The following SETD4 variants were observed in gnomAD, a reference collection of about 807,000 sequenced individuals.
The protein encoded by SETD4 is SET domain containing 4, also known as SET domain-containing protein 4.
A neutral mutation model predicts 58.3 loss-of-function variants in SETD4; 46 were observed. The observed-to-expected ratio is 0.79, with a 90% CI of 0.62 to 1.01. The LOEUF (loss-of-function observed/expected upper bound fraction) is 1.01. Ranked by LOEUF, SETD4 falls within the 50% of genes least tolerant of loss-of-function variation. The probability of loss-of-function intolerance (pLI) is 0.00; values close to 1 mark genes in which losing one functional copy is unlikely to be tolerated. For missense variants in SETD4, 490 were observed against 523.3 expected, an observed-to-expected ratio of 0.94 and a Z score of 0.62; for synonymous variants, 190 against 202.6, an observed-to-expected ratio of 0.94 and a Z score of 0.53.
At chr21:36,051,121 A>C in intron 4 of SETD4, 1 of 1,434,898 alleles carries the variant, frequency 7.0e-7, no homozygotes, top group East Asian at 2.3e-5. Flanking sequence ...AGAGCAGACT[A>C]TACTGCCTCC....
chr21:36,059,046 T>C (rs2065137581), intron 1 of SETD4, 122 bp from the exon 2 acceptor site: 2 of 1,160,082 alleles, frequency 1.7e-6, no homozygotes, highest in East Asian at 5.5e-5. Context: ...CCTTTAAGTA[T>C]ACAAATGTAT....
chr21:36,059,697 A>G, intron 1 of SETD4: 1 of 955,886 alleles, frequency 1.0e-6, no homozygotes, highest in Non-Finnish European at 1.2e-6. Flanking sequence ...CAAAAAATAA[A>G]TTAAAAAAAT....
intron 7 of SETD4, chr21:36,043,290 G>C: frequency 9.5e-6 from 2 of 209,666 alleles, no homozygotes; most frequent in Non-Finnish European, 1.7e-5. Context: ...ATGATGGCTA[G>C]GTTAATAGAT....
At chr21:36,036,301 A>T in intron 10 of SETD4, 50 bp from the exon 11 acceptor site, 1 of 1,407,290 alleles carries the variant, frequency 7.1e-7, no homozygotes, top group Non-Finnish European at 9.3e-7. Flanking sequence ...ATATATATAT[A>T]TTTCACAGAA....
chr21:36,055,410 A>C (rs918916221), intron 3 of SETD4, among the ~76,000 whole-genome samples: 6 of 152,212 alleles, frequency 3.9e-5, no homozygotes, highest in Non-Finnish European at 7.3e-5. Flanking sequence ...CAAAGCCTCA[A>C]AATTTCCACT....
chr21:36,036,422 A>G (rs2063784088), intron 10 of SETD4, 171 bp from the exon 11 acceptor site: 1 of 336,532 alleles, frequency 3.0e-6, no homozygotes, highest in Non-Finnish European at 4.2e-6. Flanking sequence ...TCTATCACCC[A>G]AACAGAAACT....
At chr21:36,057,817 A>G (rs2065062922) in intron 2 of SETD4, among the ~76,000 whole-genome samples, 1 of 152,264 alleles carries the variant, frequency 6.6e-6, no homozygotes, top group Non-Finnish European at 1.5e-5. Context: ...ATTTTTGACA[A>G]AGTGCAAAGG....
intron 5 of SETD4, among the ~76,000 whole-genome samples, chr21:36,047,712 C>T (rs1055935019): frequency 1.6e-4 from 24 of 150,784 alleles, no homozygotes; most frequent in Non-Finnish European, 3.1e-4. Flanking sequence ...ACTTTCTGGC[C>T]GGGCACGGTG....
intron 4 of SETD4, among the ~76,000 whole-genome samples, chr21:36,049,161 T>C (rs113209833): frequency 1.9e-4 from 29 of 151,920 alleles, no homozygotes; most frequent in Non-Finnish European, 4.1e-4. Flanking sequence ...GAAAGAAAAA[T>C]TAGATGTAAA....
intron 4 of SETD4, among the ~76,000 whole-genome samples, chr21:36,051,673 T>C (rs2064695653): frequency 6.6e-6 from 1 of 152,212 alleles, no homozygotes; most frequent in Non-Finnish European, 1.5e-5. Flanking sequence ...GAGGAACAAA[T>C]ACTTTTTTTT....
intron 2 of SETD4, among the ~76,000 whole-genome samples, chr21:36,058,344 A>G (rs1452755539): frequency 6.6e-6 from 1 of 152,036 alleles, no homozygotes; most frequent in Non-Finnish European, 1.5e-5. Flanking sequence ...AACAAATTTA[A>G]AAAAACATTA....
intron 2 of SETD4, 67 bp from the exon 3 acceptor site, chr21:36,057,271 G>C: frequency 8.8e-7 from 1 of 1,142,778 alleles, no homozygotes; most frequent in Non-Finnish European, 1.3e-6. Context: ...ATTTTTAAAA[G>C]AACATGTCTG....
At chr21:36,057,359 G>T in intron 2 of SETD4, 155 bp from the exon 3 acceptor site, 2 of 740,960 alleles carry the variant, frequency 2.7e-6, no homozygotes, top group Non-Finnish European at 4.9e-6. Flanking sequence ...TAAAAACACA[G>T]TATTGGCCAG....
At chr21:36,048,094 A>C (rs1371931723) in intron 5 of SETD4, among the ~76,000 whole-genome samples, 3 of 36,848 alleles carry the variant, frequency 8.1e-5, no homozygotes, top group Admixed American at 3.4e-4. Context: ...GGAGGGAGGG[A>C]GGGAGGGAGG....
At chr21:36,037,079 C>CAG (rs2063813762) in intron 10 of SETD4, among the ~76,000 whole-genome samples, 1 of 152,022 alleles carries the variant, frequency 6.6e-6, no homozygotes, top group Admixed American at 6.5e-5. Flanking sequence ...TCAGCTGGAC[C>CAG]AGAGGATTAA....
At chr21:36,044,732 C>T (rs1269455033) in intron 6 of SETD4, among the ~76,000 whole-genome samples, 6 of 152,220 alleles carry the variant, frequency 3.9e-5, no homozygotes, top group East Asian at 3.9e-4. Context: ...GTAGAGAGCA[C>T]GAAAGCTTAG....
intron 2 of SETD4, 185 bp from the exon 3 acceptor site, chr21:36,057,389 T>TA (rs2065041249): frequency 2.8e-6 from 2 of 721,992 alleles, no homozygotes; most frequent in African/African-American, 3.5e-5. Flanking sequence ...CTCACTTCTG[T>TA]ATTCCCAGCA....
chr21:36,042,925 G>T (rs990685013), intron 7 of SETD4: 1 of 151,972 alleles, frequency 6.6e-6, no homozygotes, highest in African/African-American at 2.4e-5. Context: ...AACATAACAA[G>T]ACACTGTCTC....
At chr21:36,044,120 C>T (rs2064192085) in intron 6 of SETD4, among the ~76,000 whole-genome samples, 164 bp from the exon 7 acceptor site, 1 of 152,148 alleles carries the variant, frequency 6.6e-6, no homozygotes, top group Admixed American at 6.5e-5. Context: ...TCATCCACCT[C>T]GACTTCACCC....
Sources: gnomAD v4.1 joint callset for allele counts (sites outside exome capture counted in the v4.1 genomes callset) on GRCh38, gnomAD v4.1.1 for gene constraint, MANE v1.5 for transcripts, NCBI Gene and HGNC (gene_info 2026-07-23, HGNC 2026-07-21) for gene names.